Variants in CAST observed in about 807,000 individuals in gnomAD.
The protein encoded by CAST is MIR583 host.
CAST carries 76 observed loss-of-function variants against 119.6 expected under a neutral mutation model. The observed-to-expected ratio is 0.64, with a 90% CI of 0.53 to 0.77. The LOEUF is 0.77. Among genes scored for constraint, CAST ranks in the 30% least tolerant of loss-of-function variants. The pLI is 0.00. For missense variants in CAST, 953 were observed against 946.5 expected, an observed-to-expected ratio of 1.01 and a Z score of -0.09; for synonymous variants, 319 against 331.6, an observed-to-expected ratio of 0.96 and a Z score of 0.41.
the CAST span, among the ~76,000 whole-genome samples, chr5:96,292,788 A>G: frequency 6.6e-6 from 1 of 152,214 alleles, no homozygotes; most frequent in African/African-American, 2.4e-5. Context: ...TCACAGAATT[A>G]GAGTCAACAC....
the CAST span, among the ~76,000 whole-genome samples, chr5:96,009,475 T>A: frequency 1.1e-4 from 17 of 152,344 alleles, no homozygotes; most frequent in African/African-American, 4.1e-4. Flanking sequence ...TTTTTTGACT[T>A]TTTAATAATA....
At chr5:96,055,439 C>T in the CAST span, among the ~76,000 whole-genome samples, 75 of 152,178 alleles carry the variant, frequency 4.9e-4, no homozygotes, top group East Asian at 0.014. Context: ...GGAGAGCATG[C>T]TGTATTTTAG....
chr5:96,593,902 A>G (rs1373688885), intron 1 of CAST, among the ~76,000 whole-genome samples: 2 of 152,222 alleles, frequency 1.3e-5, no homozygotes, highest in Non-Finnish European at 2.9e-5. Context: ...TTTTTAAGCC[A>G]CACTGTCTAT....
chr5:96,011,832 AT>A, the CAST span, among the ~76,000 whole-genome samples: 1 of 152,172 alleles, frequency 6.6e-6, no homozygotes, highest in Non-Finnish European at 1.5e-5. Flanking sequence ...AATGCTTGTT[AT>A]GGGAAAGTAA....
the CAST span, among the ~76,000 whole-genome samples, chr5:96,488,124 T>G: frequency 7.2e-5 from 11 of 152,328 alleles, no homozygotes; most frequent in Admixed American, 7.2e-4. Context: ...CAAGTGAGGT[T>G]GGGAAAAACA....
Position 96,715,132 on chromosome 5 carries a change from A to AT in CAST, c.211-7502dup, listed in dbSNP as rs1756972156. The AT allele has an allele frequency of 2.6e-5, 4 of 152,294 alleles. No homozygotes were observed. The South Asian group carries it at 8.3e-4, about 32-fold the overall frequency. 9.4% of individuals were successfully genotyped at this position (152,294 alleles called of 1,614,324 possible). On this transcript the variant is annotated intron_variant, in intron 3 of 31. Coordinates refer to ENST00000675179, the MANE Select transcript of CAST (RefSeq NM_001750.7). ...CTCCTCAGAACAAGTAGAGCTCTTT[A>AT]TTTTTAACTAAACTGTTTCCTTGTA...
chr5:96,692,112 A>C (rs1175082277), intron 2 of CAST, among the ~76,000 whole-genome samples: 3 of 152,184 alleles, frequency 2.0e-5, no homozygotes, highest in Admixed American at 6.5e-5. Context: ...GAGAGTTTCT[A>C]CTTACTGTGA....
At chr5:96,597,097 A>G (rs997488053) in intron 1 of CAST, among the ~76,000 whole-genome samples, 37 of 152,228 alleles carry the variant, frequency 2.4e-4, no homozygotes, top group African/African-American at 8.4e-4. Context: ...AGTTTAGTCC[A>G]TAACAGGTGA....
chr5:96,716,476 A>G (rs1757201166), intron 3 of CAST, among the ~76,000 whole-genome samples: 4 of 152,204 alleles, frequency 2.6e-5, no homozygotes, highest in African/African-American at 9.7e-5. Context: ...AAATTCATGC[A>G]TTTATCTCAG....
chr5:96,082,234 C>T, the CAST span, among the ~76,000 whole-genome samples: 339 of 152,200 alleles, frequency 2.2e-3, no homozygotes, highest in Non-Finnish European at 3.3e-3. Flanking sequence ...TTTATTTGTT[C>T]CTTTACCTTG....
At chr5:96,039,472 G>A in the CAST span, among the ~76,000 whole-genome samples, 1 of 152,040 alleles carries the variant, frequency 6.6e-6, no homozygotes, top group African/African-American at 2.4e-5. Context: ...GAATGTTATT[G>A]CCCAGGTTTT....
At chr5:96,586,679 C>T (rs987275887) in intron 1 of CAST, among the ~76,000 whole-genome samples, 1 of 152,200 alleles carries the variant, frequency 6.6e-6, no homozygotes, top group Admixed American at 6.5e-5. Context: ...GCAGCCACAT[C>T]GGTGATAGAT....
chr5:96,467,779 C>T, the CAST span, among the ~76,000 whole-genome samples: 13 of 152,024 alleles, frequency 8.6e-5, no homozygotes, highest in African/African-American at 3.1e-4. Context: ...AAATGCACTG[C>T]TAGTGGGGAT....
At chr5:96,408,166 T>C in the CAST span, 36 of 1,254,914 alleles carry the variant, frequency 2.9e-5, no homozygotes, top group African/African-American at 4.3e-4. Context: ...AAAAGTGTTA[T>C]TAAAAATAAG....
chr5:95,961,533 G>A, the CAST span: 1 of 1,509,544 alleles, frequency 6.6e-7, no homozygotes, highest in Non-Finnish European at 8.9e-7. Context: ...TGAGGGGTGC[G>A]CTCTGCCTCT....
At chr5:96,410,966 G>T in the CAST span, 1 of 1,613,256 alleles carries the variant, frequency 6.2e-7, no homozygotes, top group Non-Finnish European at 8.5e-7. Context: ...AGACGAAGAT[G>T]GACCCCTTCC....
the CAST span, among the ~76,000 whole-genome samples, chr5:96,236,087 GTCTGTCTA>G: frequency 8.4e-6 from 1 of 118,574 alleles, no homozygotes; most frequent in Non-Finnish European, 1.8e-5. Context: ...CTCTATGTCT[GTCTGTCTA>G]TCTGTCTGTC....
In CAST at chr5:96,670,361, TA is replaced by T. The variant is rs543914822; in HGVS notation, c.76-5172del. On this transcript the variant is annotated intron_variant, in intron 1 of 31. Transcript: ENST00000675179. ...TCCTCCTAAAAGAAGCCTCATACTTTAAAAAATAATAATAATAAAGCAAAGG... is the reference window on the plus strand; with the variant it reads ...TCCTCCTAAAAGAAGCCTCATACTTTAAAAATAATAATAATAAAGCAAAGG... 1.6e-3 allele frequency among the ~76,000 whole-genome samples: 247 copies of T among 152,314 alleles called. 1 individual carries two copies. Among genetic ancestry groups the T allele is most frequent in the African/African-American group, 5.6e-3 (231 of 41,570 alleles).
At chr5:96,269,830 G>C in the CAST span, among the ~76,000 whole-genome samples, 4 of 152,000 alleles carry the variant, frequency 2.6e-5, no homozygotes, top group Non-Finnish European at 1.5e-5. Flanking sequence ...ATTTAAAGAA[G>C]AACTAATATC....
Sources: allele counts gnomAD v4.1 joint callset (sites outside exome capture counted in the v4.1 genomes callset), GRCh38; gene constraint gnomAD v4.1.1; transcripts MANE v1.5; gene names NCBI Gene and HGNC (gene_info 2026-07-23, HGNC 2026-07-21).